SFMBT2: variants seen among roughly 807,000 people sequenced by gnomAD.
The protein encoded by SFMBT2 is Scm like with four mbt domains 2.
In SFMBT2, 38 loss-of-function variants were observed where a neutral mutation model predicts 110.1. The ratio of observed to expected loss-of-function variants is 0.35; its 90% CI spans 0.27 to 0.45. The LOEUF (loss-of-function observed/expected upper bound fraction) is 0.45. Among genes scored for constraint, SFMBT2 ranks in the 20% least tolerant of loss-of-function variants. The pLI is 1.00. For missense variants in SFMBT2, 1,011 were observed against 1,094.9 expected (o/e 0.92, Z 1.08); for synonymous variants, 425 against 425.4 (o/e 1.00, Z 0.01).
chr10:7,331,859 A>C (rs984818234), intron 4 of SFMBT2, among the ~76,000 whole-genome samples: 62 of 151,944 alleles, frequency 4.1e-4, no homozygotes, highest in Admixed American at 1.5e-3. Flanking sequence ...ACAATACAAA[A>C]ATTAGCCGGG....
chr10:7,402,290 A>T (rs773564920), intron 1 of SFMBT2, among the ~76,000 whole-genome samples: 78 of 152,204 alleles, frequency 5.1e-4, no homozygotes, highest in Non-Finnish European at 7.9e-4. Context: ...CAGTGCCAAA[A>T]GCTTAAGTAA....
At chr10:7,365,006 C>T (rs1199809873) in intron 4 of SFMBT2, among the ~76,000 whole-genome samples, 4 of 152,230 alleles carry the variant, frequency 2.6e-5, no homozygotes, top group Non-Finnish European at 5.9e-5. Context: ...CAGCTTCTCA[C>T]CTCAGTGGAG....
intron 4 of SFMBT2, among the ~76,000 whole-genome samples, chr10:7,347,221 T>C (rs1844145595): frequency 6.6e-6 from 1 of 152,186 alleles, no homozygotes; most frequent in African/African-American, 2.4e-5. Flanking sequence ...GACCGAGTTT[T>C]GCTAGTGGGA....
At position 7,276,885 on chromosome 10, in the gene SFMBT2, A is replaced by T. The variant is rs1240905429; in HGVS notation, c.870+7T>A. 7 of 867,350 alleles carry T rather than the reference A, an allele frequency of 8.1e-6. No individual in the cohort carries two copies. The highest frequency in any genetic ancestry group is 2.2e-4 in the Middle Eastern group (1 of 4,632). The allele number at this position is 867,350 out of a possible 1,614,324, so 53.7% of individuals were successfully genotyped here. A position where few individuals can be genotyped will look rare whatever the true frequency, so the allele number is the denominator to read the frequency against. On this transcript the variant is annotated splice_region_variant and intron_variant, in intron 7 of 20. Coordinates refer to ENST00000397167, the MANE Select transcript of SFMBT2 (RefSeq NM_001387889.1). ...GGTAGATACATTGCTAAGAATCAAC[A>T]TCTTACCTTAAACACTTCCATTGGA...
intron 4 of SFMBT2, among the ~76,000 whole-genome samples, chr10:7,344,915 C>T (rs1261080045): frequency 4.1e-5 from 6 of 145,272 alleles, no homozygotes; most frequent in Non-Finnish European, 9.0e-5. Flanking sequence ...GCCGAGATTG[C>T]GCCACTGCAC....
Position 7,227,869 on chromosome 10 carries a change from A to C in SFMBT2, c.1189T>G (p.Phe397Val). 6.2e-7 allele frequency: 1 copy of C among 1,609,632 alleles called. No homozygotes were observed. Among genetic ancestry groups the C allele is most frequent in the Non-Finnish European group, 8.5e-7 (1 of 1,178,682 alleles). Reference protein sequence around the residue: ...KQHGAQEAPPFCFRNTSFSRG... With the variant: ...KQHGAQEAPPVCFRNTSFSRG... ...AAGCTTCTTACATTTCGGAAGCAGA[A>C]GGGAGGGGCTTCCTGCGCCCCATGC... Residue 397 changes from phenylalanine to valine, a missense_variant, in exon 10 of 21, where the codon TTC (phenylalanine) becomes GTC (valine). Phe to Val is a conservative substitution (Grantham distance 50, BLOSUM62 -1). Around this residue, in one of 2 missense-constraint regions of SFMBT2, gnomAD observed 979 missense variants for 1,016.1 expected, o/e 0.96. Transcript: ENST00000397167.
intron 4 of SFMBT2, among the ~76,000 whole-genome samples, chr10:7,306,584 T>A (rs1842705059): frequency 6.6e-6 from 1 of 152,086 alleles, no homozygotes; most frequent in Non-Finnish European, 1.5e-5. Context: ...GAAGCAGGTA[T>A]TCTAAGAGTA....
chr10:7,302,002 A>G (rs1842569868), intron 4 of SFMBT2, among the ~76,000 whole-genome samples: 1 of 152,150 alleles, frequency 6.6e-6, no homozygotes, highest in African/African-American at 2.4e-5. Context: ...ATAAGCCTCA[A>G]TATGGTCCCA....
chr10:7,370,005 C>T (rs569096556), intron 3 of SFMBT2, among the ~76,000 whole-genome samples: 1 of 152,294 alleles, frequency 6.6e-6, no homozygotes, highest in East Asian at 1.9e-4. Flanking sequence ...GGACTACAGG[C>T]GTGCACCACC....
At chr10:7,262,984 C>T (rs1361782077) in intron 7 of SFMBT2, among the ~76,000 whole-genome samples, 1 of 152,082 alleles carries the variant, frequency 6.6e-6, no homozygotes, top group African/African-American at 2.4e-5. Context: ...GGTTTTCCAC[C>T]CAAAGAGATT....
chr10:7,272,454 A>G (rs978438005), intron 7 of SFMBT2, among the ~76,000 whole-genome samples: 3 of 152,188 alleles, frequency 2.0e-5, no homozygotes, highest in Admixed American at 6.5e-5. Flanking sequence ...GTCCCACCAG[A>G]TATGTCCGAA....
chr10:7,373,393 C>T (rs1845111470), intron 2 of SFMBT2, among the ~76,000 whole-genome samples: 2 of 152,120 alleles, frequency 1.3e-5, no homozygotes, highest in Admixed American at 6.5e-5. Flanking sequence ...TATGCAGACT[C>T]GGGTATTCTG....
intron 4 of SFMBT2, among the ~76,000 whole-genome samples, chr10:7,311,187 C>A (rs1158465279): frequency 6.6e-6 from 1 of 151,212 alleles, no homozygotes; most frequent in Non-Finnish European, 1.5e-5. Flanking sequence ...ATTATACAAT[C>A]CATGTAATTG....
chr10:7,261,001 G>A (rs1351611371), intron 7 of SFMBT2, among the ~76,000 whole-genome samples: 1 of 151,686 alleles, frequency 6.6e-6, no homozygotes, highest in African/African-American at 2.4e-5. Context: ...GTACGTCTGT[G>A]CATCCTGGCT....
At chr10:7,381,731 G>T in intron 2 of SFMBT2, 68 bp downstream of exon 2, 1 of 1,526,630 alleles carries the variant, frequency 6.6e-7, no homozygotes, top group Non-Finnish European at 9.0e-7. Flanking sequence ...ATTGTTTCCT[G>T]AATACTTTCA....
intron 11 of SFMBT2, chr10:7,214,561 A>C (rs1436392273): frequency 2.0e-6 from 2 of 985,454 alleles, no homozygotes. Context: ...AGGAAATTCT[A>C]CGGACTTATG....
intron 2 of SFMBT2, among the ~76,000 whole-genome samples, chr10:7,378,788 GGT>G (rs889418064): frequency 4.1e-5 from 6 of 146,646 alleles, no homozygotes; most frequent in African/African-American, 1.5e-4. Flanking sequence ...TGTGAGTGTG[GGT>G]GTGTGTGGCT....
At chr10:7,347,764 G>A (rs910104319) in intron 4 of SFMBT2, among the ~76,000 whole-genome samples, 4 of 152,150 alleles carry the variant, frequency 2.6e-5, no homozygotes, top group Non-Finnish European at 4.4e-5. Flanking sequence ...CTTTGATGAG[G>A]AAGGGCCACG....
chr10:7,338,953 T>C (rs1329197962), intron 4 of SFMBT2, among the ~76,000 whole-genome samples: 2 of 152,172 alleles, frequency 1.3e-5, no homozygotes, highest in Admixed American at 6.6e-5. Flanking sequence ...TAAAACTGAA[T>C]TGGCGGCCAG....
Sources: allele counts gnomAD v4.1 joint callset (sites outside exome capture counted in the v4.1 genomes callset), GRCh38; gene constraint gnomAD v4.1.1; regional missense constraint gnomAD v4.1.1; transcripts MANE v1.5; gene names NCBI Gene and HGNC (gene_info 2026-07-23, HGNC 2026-07-21).